ACACA: variants seen among roughly 807,000 people sequenced by gnomAD.
ACACA encodes acetyl-CoA carboxylase alpha, also known as acetyl-CoA carboxylase 1.
In ACACA, 103 loss-of-function variants were observed where a neutral mutation model predicts 296.1. The observed-to-expected ratio is 0.35, with a 90% CI of 0.30 to 0.41. ACACA has a LOEUF of 0.41. ACACA is among the 10% of genes least tolerant of loss of function. ACACA has a pLI of 1.00. For synonymous variants in ACACA, 953 were observed against 1,038.6 expected, an observed-to-expected ratio of 0.92 and a Z score of 1.58; for missense variants, 1,554 against 2,989.7, an observed-to-expected ratio of 0.52 and a Z score of 11.20.
intron 12 of ACACA, 138 bp downstream of exon 12, chr17:37,259,222 C>T: frequency 1.0e-6 from 1 of 1,001,096 alleles, no homozygotes; most frequent in Non-Finnish European, 1.6e-6. Flanking sequence ...ATGCATAACA[C>T]ATACAGGGTG....
At chr17:37,362,373 TC>T (rs1046239220) in intron 1 of ACACA, among the ~76,000 whole-genome samples, 10 of 152,290 alleles carry the variant, frequency 6.6e-5, no homozygotes, top group African/African-American at 2.2e-4. Context: ...TTTCTTATCT[TC>T]CTGTGGGTAA....
At chr17:37,301,298 A>G (rs2083605152) in intron 3 of ACACA, 1 of 827,172 alleles carries the variant, frequency 1.2e-6, no homozygotes, top group Admixed American at 6.2e-5. Flanking sequence ...GAATACAAGA[A>G]ATAAAAAGCC....
chr17:37,376,621 T>C (rs1317693324), intron 1 of ACACA, among the ~76,000 whole-genome samples: 1 of 152,202 alleles, frequency 6.6e-6, no homozygotes, highest in Non-Finnish European at 1.5e-5. Flanking sequence ...TTATTTAAAA[T>C]ATGAGTTTTC....
At chr17:37,280,943 G>A (rs1315104767) in intron 5 of ACACA, among the ~76,000 whole-genome samples, 1 of 151,938 alleles carries the variant, frequency 6.6e-6, no homozygotes. Context: ...ATACCTTTAT[G>A]CATTTGCAAT....
chr17:37,268,717 C>CTA (rs1282437740), intron 10 of ACACA, among the ~76,000 whole-genome samples: 18 of 108,636 alleles, frequency 1.7e-4, no homozygotes, highest in African/African-American at 3.0e-4. Flanking sequence ...ATATCTATAT[C>CTA]TATCTATCTA....
chr17:37,138,456 G>T (rs1263916475), intron 45 of ACACA, among the ~76,000 whole-genome samples: 1 of 152,192 alleles, frequency 6.6e-6, no homozygotes, highest in African/African-American at 2.4e-5. Context: ...AGTGTTAAGG[G>T]GGACCTTTCT....
intron 18 of ACACA, 101 bp from the exon 19 acceptor site, chr17:37,247,077 T>G (rs2080743426): frequency 1.6e-6 from 2 of 1,279,862 alleles, no homozygotes; most frequent in East Asian, 2.3e-5. Context: ...TCCTGAAAAC[T>G]TTATTATACA....
intron 41 of ACACA, 72 bp downstream of exon 41, chr17:37,179,188 T>A: frequency 4.4e-6 from 7 of 1,585,220 alleles, no homozygotes; most frequent in Non-Finnish European, 6.1e-6. Context: ...TGCTATTTAA[T>A]GACCACCTCA....
chr17:37,250,358 G>A (rs1781652046), intron 16 of ACACA, among the ~76,000 whole-genome samples: 1 of 152,188 alleles, frequency 6.6e-6, no homozygotes, highest in Non-Finnish European at 1.5e-5. Context: ...TAAAGATTAA[G>A]GTTGGGCGCA....
chr17:37,352,046 T>C (rs1395031349), intron 1 of ACACA, among the ~76,000 whole-genome samples: 1 of 150,216 alleles, frequency 6.7e-6, no homozygotes, highest in African/African-American at 2.5e-5. Context: ...TTCTCCTGCC[T>C]CAGCCTCCCG....
chr17:37,170,735 GAC>G (rs2076853280), intron 41 of ACACA, among the ~76,000 whole-genome samples: 1 of 152,270 alleles, frequency 6.6e-6, no homozygotes, highest in South Asian at 2.1e-4. Context: ...CCATTAGTCT[GAC>G]ACAAAGTGTC....
At chr17:37,128,094 T>A (rs916095487) in intron 47 of ACACA, among the ~76,000 whole-genome samples, 1 of 143,332 alleles carries the variant, frequency 7.0e-6, no homozygotes, top group Non-Finnish European at 1.5e-5. Context: ...TCCAGGCATG[T>A]AAAGAAAAAC....
chr17:37,256,499 C>T (rs533820880), intron 14 of ACACA, among the ~76,000 whole-genome samples: 48 of 152,290 alleles, frequency 3.2e-4, no homozygotes, highest in African/African-American at 1.1e-3. Flanking sequence ...ATAATACCAG[C>T]ACTTTGTGGG....
intron 45 of ACACA, among the ~76,000 whole-genome samples, chr17:37,131,460 G>C (rs903736462): frequency 1.1e-4 from 16 of 152,254 alleles, no homozygotes; most frequent in African/African-American, 3.1e-4. Flanking sequence ...AACAGTTGTA[G>C]AGCGCTTACT....
At chr17:37,350,183 T>A (rs1449767929) in intron 1 of ACACA, among the ~76,000 whole-genome samples, 5 of 151,918 alleles carry the variant, frequency 3.3e-5, no homozygotes, top group Non-Finnish European at 7.4e-5. Flanking sequence ...AATTAAAAAT[T>A]TGCTAGGCAT....
intron 5 of ACACA, among the ~76,000 whole-genome samples, chr17:37,281,224 A>C (rs2542664): frequency 0.34 from 51,619 of 151,570 alleles, 11,161 homozygotes; most frequent in African/African-American, 0.6. Flanking sequence ...ATGCCCAGCT[A>C]ATTTTTGTAT....
At chr17:37,309,197 A>AT (rs1337673532) in intron 3 of ACACA, among the ~76,000 whole-genome samples, 3 of 151,236 alleles carry the variant, frequency 2.0e-5, no homozygotes, top group South Asian at 2.1e-4. Context: ...ATTAAAAAAA[A>AT]TTTTTTTTTG....
intron 43 of ACACA, among the ~76,000 whole-genome samples, chr17:37,155,242 A>G (rs965007984): frequency 3.9e-5 from 6 of 152,172 alleles, no homozygotes; most frequent in Non-Finnish European, 7.4e-5. Flanking sequence ...TAAGCATCAT[A>G]TTCTTAAATA....
chr17:37,213,348 C>CA (rs11353673), intron 29 of ACACA, among the ~76,000 whole-genome samples: 1,001 of 78,390 alleles, frequency 0.013, 10 homozygotes, highest in East Asian at 0.024. Context: ...AAGTAAGTCT[C>CA]AAAAAAAAAA....
Sources: gnomAD v4.1 joint callset for allele counts (sites outside exome capture counted in the v4.1 genomes callset) on GRCh38, gnomAD v4.1.1 for gene constraint, MANE v1.5 for transcripts, NCBI Gene and HGNC (gene_info 2026-07-23, HGNC 2026-07-21) for gene names.